TXNL1: variants seen among roughly 807,000 people sequenced by gnomAD.
TXNL1 encodes thioredoxin like 1.
A neutral mutation model predicts 35.5 loss-of-function variants in TXNL1; 14 were observed. That is an observed-to-expected ratio of 0.39 (90% CI 0.26 to 0.62). TXNL1 has a LOEUF of 0.62. TXNL1 is among the 20% of genes least tolerant of loss of function. The pLI is 0.47. For synonymous variants in TXNL1, 110 were observed against 115.5 expected (o/e 0.95, Z 0.31); for missense variants, 263 against 349.7 (o/e 0.75, Z 1.98).
At chr18:56,625,006 T>C (rs566257075) in intron 2 of TXNL1, among the ~76,000 whole-genome samples, 1 of 152,312 alleles carries the variant, frequency 6.6e-6, no homozygotes, top group South Asian at 2.1e-4. Flanking sequence ...AATTCTGTCC[T>C]AGCTCCACAA....
rs530989946 is a variant in TXNL1 at position 56,619,643 on chromosome 18, G to A, written c.370-1517C>T. Among the ~76,000 whole-genome samples, 9 of 150,986 alleles carry A rather than the reference G, an allele frequency of 6.0e-5. No individual in the cohort carries two copies. The South Asian group carries it at 1.0e-3, about 18-fold the overall frequency. Reference sequence around the variant, plus strand: ...ATTTCTCAATACTTTGGATTTTACCGTTTACTTCCCTGTGGTGTCAGCACA... The same window carrying A: ...ATTTCTCAATACTTTGGATTTTACCATTTACTTCCCTGTGGTGTCAGCACA... On this transcript the variant is annotated intron_variant, in intron 3 of 7. Transcript: ENST00000217515.
chr18:56,636,813 C>A (rs1013982701), intron 1 of TXNL1, among the ~76,000 whole-genome samples: 1 of 152,210 alleles, frequency 6.6e-6, no homozygotes, highest in Middle Eastern at 3.4e-3. Flanking sequence ...AAAGCTTCGA[C>A]GGGCCAGAAT....
chr18:56,618,099 C>T lies in TXNL1; in HGVS notation c.397G>A (p.Ala133Thr), dbSNP rs752726686. The change falls in exon 4 of 8, where the codon GCT becomes ACT. Residue 133 changes from alanine to threonine, a missense_variant. Ala to Thr is a moderately conservative substitution (Grantham distance 58). Transcript: ENST00000217515. Reference sequence around the variant, plus strand: ...CTTTCATTAAGACATTCACAACCAGCTTTGTTAATAAAAGGCATTAAATCC... The same window carrying T: ...CTTTCATTAAGACATTCACAACCAGTTTTGTTAATAAAAGGCATTAAATCC... ...YMDLMPFINK[A>T]GCECLNESDE... The T allele has an allele frequency of 3.3e-5, 54 of 1,613,522 alleles. No homozygotes were observed. The highest frequency in any genetic ancestry group is 1.1e-5 in the South Asian group (1 of 91,050).
chr18:56,635,925 T>C (rs151294236), intron 1 of TXNL1, among the ~76,000 whole-genome samples: 310 of 152,330 alleles, frequency 2.0e-3, no homozygotes, highest in African/African-American at 7.1e-3. Flanking sequence ...GTAAATGCTA[T>C]GTAAATAGTT....
rs752550280 is a variant in TXNL1 at position 56,614,432 on chromosome 18, T to C, written c.727A>G (p.Ser243Gly). The part of the protein sequence containing the change: ...LRYVKFQNVN[S>G]VTIFVQSNQG... The stretch of plus-strand genomic sequence containing the variant: ...AACGAAATACTACTTACAGTTACAC[T>C]GTTAACATTCTGAAACTTAACATAA... Residue 243 changes from serine to glycine, a missense_variant, in exon 6 of 8, where the codon AGT becomes GGT. Coordinates refer to ENST00000217515, the MANE Select transcript of TXNL1 (RefSeq NM_004786.3). The C allele has an allele frequency of 1.2e-6, 2 of 1,613,374 alleles. No homozygotes were observed. The highest frequency in any genetic ancestry group is 1.7e-6 in the Non-Finnish European group (2 of 1,179,744).
At chr18:56,634,432 T>C (rs894376736) in intron 1 of TXNL1, among the ~76,000 whole-genome samples, 1 of 152,192 alleles carries the variant, frequency 6.6e-6, no homozygotes, top group Admixed American at 6.5e-5. Context: ...GTTAGGGTTA[T>C]TCTGAGGAAT....
intron 7 of TXNL1, among the ~76,000 whole-genome samples, chr18:56,603,559 A>G (rs890433876): frequency 6.6e-6 from 1 of 152,154 alleles, no homozygotes; most frequent in African/African-American, 2.4e-5. Context: ...GGTTTAAGAA[A>G]AAGATCCTGG....
At chr18:56,630,776 T>C (rs1465073589) in intron 1 of TXNL1, among the ~76,000 whole-genome samples, 1 of 152,216 alleles carries the variant, frequency 6.6e-6, no homozygotes, top group East Asian at 1.9e-4. Context: ...GTTGGAACTT[T>C]GGTCAAAAAT....
chr18:56,621,843 T>C (rs2024192414), intron 3 of TXNL1, among the ~76,000 whole-genome samples: 1 of 151,524 alleles, frequency 6.6e-6, no homozygotes, highest in Admixed American at 6.6e-5. Context: ...CTACTAAAAA[T>C]ACAAAAAGTA....
At chr18:56,617,871 T>G in intron 4 of TXNL1, 133 bp downstream of exon 4, 1 of 1,225,508 alleles carries the variant, frequency 8.2e-7, no homozygotes, top group African/African-American at 1.5e-5. Context: ...TCAAAGAAAC[T>G]AAAAGCTATA....
rs79093597 is a variant in TXNL1 at position 56,634,987 on chromosome 18, C to T, written c.98+3356G>A. 3.7e-3 allele frequency among the ~76,000 whole-genome samples: 566 copies of T among 152,278 alleles called. 7 individuals carry two copies. The East Asian group carries it at 0.04, about 11-fold the overall frequency. On this transcript the variant is annotated intron_variant, in intron 1 of 7. Coordinates refer to ENST00000217515, the MANE Select transcript of TXNL1 (RefSeq NM_004786.3). ...TCAAAAATGGGCACAGAAGGCCCAGCGCAGTGACTCACACCTGTAACCCCA... is the reference window on the plus strand; with the variant it reads ...TCAAAAATGGGCACAGAAGGCCCAGTGCAGTGACTCACACCTGTAACCCCA...
intron 7 of TXNL1, among the ~76,000 whole-genome samples, chr18:56,606,674 G>A (rs746375566): frequency 9.2e-5 from 14 of 152,198 alleles, no homozygotes; most frequent in African/African-American, 1.9e-4. Flanking sequence ...AGCTGGTAAC[G>A]TCTGAGAATA....
chr18:56,605,393 TAAAC>T (rs745567525), intron 7 of TXNL1: 25 of 152,112 alleles, frequency 1.6e-4, no homozygotes, highest in Non-Finnish European at 2.4e-4. Flanking sequence ...AGCTGAAAAA[TAAAC>T]AGACAGAAAT....
At chr18:56,626,218 G>C in intron 2 of TXNL1, 143 bp downstream of exon 2, 1 of 1,423,336 alleles carries the variant, frequency 7.0e-7, no homozygotes, top group Non-Finnish European at 9.2e-7. Flanking sequence ...AATGACATCT[G>C]TAATAATGAC....
chr18:56,612,069 G>T (rs1440569520), intron 6 of TXNL1, among the ~76,000 whole-genome samples: 4 of 122,690 alleles, frequency 3.3e-5, no homozygotes, highest in African/African-American at 9.6e-5. Flanking sequence ...GTTTCACTGT[G>T]TTGCCCAGGG....
chr18:56,605,953 T>C (rs904009736), intron 7 of TXNL1, among the ~76,000 whole-genome samples: 1 of 152,212 alleles, frequency 6.6e-6, no homozygotes, highest in Admixed American at 6.5e-5. Context: ...AAATATAAAC[T>C]GAAAATGCTA....
intron 6 of TXNL1, among the ~76,000 whole-genome samples, chr18:56,613,818 G>GA (rs900836085): frequency 2.6e-5 from 4 of 152,010 alleles, no homozygotes; most frequent in African/African-American, 9.7e-5. Context: ...CTCAAAGGAA[G>GA]AAAAAATTCA....
chr18:56,617,879 A>T, intron 4 of TXNL1, 125 bp downstream of exon 4: 3 of 1,267,062 alleles, frequency 2.4e-6, no homozygotes, highest in Admixed American at 2.1e-5. Context: ...ACTAAAAGCT[A>T]TAGAAATGAA....
At chr18:56,612,394 T>A (rs907552552) in intron 6 of TXNL1, among the ~76,000 whole-genome samples, 3 of 151,498 alleles carry the variant, frequency 2.0e-5, no homozygotes, top group African/African-American at 7.3e-5. Context: ...ATTTTTTTTT[T>A]AAGCTTGACT....
Sources: allele counts gnomAD v4.1 joint callset (sites outside exome capture counted in the v4.1 genomes callset), GRCh38; gene constraint gnomAD v4.1.1; transcripts MANE v1.5; gene names NCBI Gene and HGNC (gene_info 2026-07-23, HGNC 2026-07-21).